Variants in KREMEN1 observed in about 807,000 individuals in gnomAD.
KREMEN1 encodes kringle containing transmembrane protein 1.
In KREMEN1, 30 loss-of-function variants were observed where a neutral mutation model predicts 46.5. The observed-to-expected ratio is 0.65, with a 90% confidence interval of 0.48 to 0.88. The LOEUF is 0.88. Ranked by LOEUF, KREMEN1 falls within the 40% of genes least tolerant of loss-of-function variation. The pLI, the probability that KREMEN1 is intolerant of heterozygous loss-of-function variation, is 0.00. For synonymous variants in KREMEN1, 214 were observed against 230.6 expected, an observed-to-expected ratio of 0.93 and a Z score of 0.65; for missense variants, 533 against 596.9, an observed-to-expected ratio of 0.89 and a Z score of 1.11.
intron 3 of KREMEN1, 137 bp downstream of exon 3, chr22:29,099,090 C>T (rs185746678): frequency 1.8e-4 from 114 of 644,616 alleles, no homozygotes; most frequent in South Asian, 1.6e-3. Flanking sequence ...CCATCCTGGG[C>T]GAGGATTTTC....
intron 1 of KREMEN1, among the ~76,000 whole-genome samples, chr22:29,076,946 C>T (rs1234093236): frequency 2.0e-5 from 3 of 152,174 alleles, no homozygotes; most frequent in Non-Finnish European, 4.4e-5. Flanking sequence ...GCTCACTACT[C>T]ATAAACAGAA....
chr22:29,161,736 G>A (rs1001569404), intron 9 of KREMEN1, among the ~76,000 whole-genome samples: 30 of 151,998 alleles, frequency 2.0e-4, no homozygotes, highest in African/African-American at 7.0e-4. Context: ...CAAAGACACA[G>A]TGAAAAAAGA....
At position 29,088,300 on chromosome 22, in the gene KREMEN1, C is replaced by T. The variant is rs574682062; in HGVS notation, c.98-5958C>T. 2.4e-4 allele frequency among the ~76,000 whole-genome samples: 28 copies of T among 117,312 alleles called. No homozygotes were observed. In the East Asian group the frequency reaches 3.4e-3, roughly 14 times the overall value. 77.0% of individuals were successfully genotyped at this position (117,312 alleles called of 152,430 possible). ...AGAATAACGTGCGCACGCGTGCACG[C>T]GTGCATACACACACACACACACACA... On this transcript the variant is annotated intron_variant, in intron 1 of 8. Coordinates refer to ENST00000400335, the MANE Select transcript of KREMEN1 (RefSeq NM_001039570.3).
At chr22:29,136,355 C>T (rs1412096695) in intron 5 of KREMEN1, among the ~76,000 whole-genome samples, 1 of 151,682 alleles carries the variant, frequency 6.6e-6, no homozygotes, top group African/African-American at 2.4e-5. Flanking sequence ...GGGTGGATCA[C>T]GAGGTCAGGA....
chr22:29,116,301 T>C (rs1389280934), intron 3 of KREMEN1, among the ~76,000 whole-genome samples: 2 of 152,142 alleles, frequency 1.3e-5, no homozygotes, highest in Non-Finnish European at 2.9e-5. Flanking sequence ...ACTGGGGAAG[T>C]GGCAGCGTGG....
intron 5 of KREMEN1, among the ~76,000 whole-genome samples, chr22:29,131,560 A>ATATATATATATGTGTG (rs1240832937): frequency 1.4e-5 from 1 of 69,940 alleles, no homozygotes; most frequent in East Asian, 3.3e-4. Context: ...ATATATATAT[A>ATATATATATATGTGTG]TGTGTGTGTG....
intron 3 of KREMEN1, among the ~76,000 whole-genome samples, chr22:29,106,868 CAG>C (rs1352776748): frequency 6.6e-6 from 1 of 152,240 alleles, no homozygotes; most frequent in Non-Finnish European, 1.5e-5. Context: ...AGGGTTAACT[CAG>C]TGGCGACAGA....
In KREMEN1 at chr22:29,143,295, C is replaced by T; in HGVS notation, c.*1183C>T. 3 of 985,454 alleles carry T rather than the reference C, an allele frequency of 3.0e-6. No homozygotes were observed. The highest frequency in any genetic ancestry group is 3.6e-6 in the Non-Finnish European group (3 of 829,946). 61.0% of individuals were successfully genotyped at this position (985,454 alleles called of 1,614,324 possible). Reference sequence around the variant, plus strand: ...CTGAGCAGCTCATGGTCCTATGGAACCTGAGCCAGGCCTCAGTCTCTCCAT... The same window carrying T: ...CTGAGCAGCTCATGGTCCTATGGAATCTGAGCCAGGCCTCAGTCTCTCCAT... On this transcript the variant is annotated 3_prime_UTR_variant, in exon 9 of 9. Coordinates refer to ENST00000400335, the MANE Select transcript of KREMEN1 (RefSeq NM_001039570.3).
In KREMEN1 at chr22:29,131,766, A is replaced by G. The variant is rs191820458; in HGVS notation, c.632-5576A>G. 4.4e-3 allele frequency among the ~76,000 whole-genome samples: 542 copies of G among 122,864 alleles called. 12 individuals carry two copies. Among genetic ancestry groups the G allele is most frequent in the African/African-American group, 0.02 (509 of 25,246 alleles). The allele number at this position is 122,864 out of a possible 152,430, so 80.6% of individuals were successfully genotyped here. The stretch of plus-strand genomic sequence containing the variant: ...TATATATGTATATATGTATATATAT[A>G]TGTATATATATATATAGTTTTGTGT... On this transcript the variant is annotated intron_variant, in intron 5 of 8. Coordinates refer to ENST00000400335, the MANE Select transcript of KREMEN1 (RefSeq NM_001039570.3).
intron 2 of KREMEN1, among the ~76,000 whole-genome samples, chr22:29,098,196 AAG>A (rs1018919500): frequency 3.9e-5 from 6 of 152,112 alleles, no homozygotes; most frequent in African/African-American, 1.4e-4. Context: ...AAAAAAAAAA[AAG>A]CCTCATAAGA....
chr22:29,081,445 T>TA (rs1342730865), intron 1 of KREMEN1, among the ~76,000 whole-genome samples: 1 of 152,224 alleles, frequency 6.6e-6, no homozygotes, highest in East Asian at 1.9e-4. Context: ...ATACTTGTCT[T>TA]AAAAAATTCT....
At chr22:29,087,808 G>A (rs997060052) in intron 1 of KREMEN1, among the ~76,000 whole-genome samples, 6 of 152,088 alleles carry the variant, frequency 3.9e-5, no homozygotes, top group East Asian at 3.9e-4. Context: ...CAGGTGATCC[G>A]CACACCTTGG....
chr22:29,150,221 TGG>T (rs132284), downstream of KREMEN1, among the ~76,000 whole-genome samples: 13,133 of 150,472 alleles, frequency 0.087, 590 homozygotes, highest in South Asian at 0.11. Context: ...CAGCAACTGG[TGG>T]GGGGGGGGGC....
chr22:29,089,430 C>T (rs563333974), intron 1 of KREMEN1, among the ~76,000 whole-genome samples: 2 of 152,194 alleles, frequency 1.3e-5, no homozygotes, highest in Non-Finnish European at 2.9e-5. Flanking sequence ...TATCTGGAAT[C>T]GGTCCACTTC....
At chr22:29,157,239 C>G (rs1472479707) in intron 9 of KREMEN1, among the ~76,000 whole-genome samples, 1 of 152,200 alleles carries the variant, frequency 6.6e-6, no homozygotes, top group Non-Finnish European at 1.5e-5. Context: ...TCCCCTGGAC[C>G]AGAATTCCAT....
Position 29,137,517 on chromosome 22 carries a change from G to A in KREMEN1, c.807G>A (p.Met269Ile), listed in dbSNP as rs779188399. The change falls in exon 6 of 9, where the codon ATG (methionine) becomes ATA (isoleucine). Residue 269 changes from methionine (M) to isoleucine (I), a missense_variant. Physicochemically the swap from Met to Ile is conservative, Grantham distance 10. Coordinates refer to ENST00000400335, the MANE Select transcript of KREMEN1 (RefSeq NM_001039570.3). The part of the protein sequence containing the change: ...PLFDIRDSAD[M>I]VELLDGYTHR... ...TTGACATCAGGGACTCGGCGGACATGGTGGAGCTTCTGGATGGCTACACCC... is the reference window on the plus strand; with the variant it reads ...TTGACATCAGGGACTCGGCGGACATAGTGGAGCTTCTGGATGGCTACACCC... The A allele has an allele frequency of 1.2e-6, 2 of 1,612,338 alleles. No homozygotes were observed. Among genetic ancestry groups the A allele is most frequent in the East Asian group, 4.5e-5 (2 of 44,836 alleles).
At chr22:29,151,355 GTT>G (rs1192072663), downstream of KREMEN1, among the ~76,000 whole-genome samples, 1 of 152,224 alleles carries the variant, frequency 6.6e-6, no homozygotes, top group African/African-American at 2.4e-5. Context: ...CTGATCACCT[GTT>G]GTCAGGCATT....
chr22:29,097,330 T>C lies in KREMEN1; in HGVS notation c.261-1532T>C, dbSNP rs6005991. Reference sequence around the variant, plus strand: ...CTTCAGTAGTGTTGCTTGTTATTGTTATGCCACCTATGAGTTGAAAAGACC... The same window carrying C: ...CTTCAGTAGTGTTGCTTGTTATTGTCATGCCACCTATGAGTTGAAAAGACC... On this transcript the variant is annotated intron_variant, in intron 2 of 8. Transcript: ENST00000400335. Among the ~76,000 whole-genome samples the C allele has an allele frequency of 8.4e-3, 1,287 of 152,356 alleles. 13 individuals are homozygous for C. The highest frequency in any genetic ancestry group is 0.029 in the African/African-American group (1,220 of 41,580).
chr22:29,104,952 T>C (rs1448871837), intron 3 of KREMEN1, among the ~76,000 whole-genome samples: 1 of 152,242 alleles, frequency 6.6e-6, no homozygotes. Context: ...TTATTAGTTG[T>C]GTCAAATGAC....
Sources: allele counts gnomAD v4.1 joint callset (sites outside exome capture counted in the v4.1 genomes callset), GRCh38; gene constraint gnomAD v4.1.1; transcripts MANE v1.5; gene names NCBI Gene and HGNC (gene_info 2026-07-23, HGNC 2026-07-21).